Variants in DTNA observed in about 807,000 individuals in gnomAD.
DTNA encodes the protein dystrobrevin alpha.
Under a neutral mutation model 100.7 loss-of-function variants are expected in DTNA, and 43 were observed. That is an observed-to-expected ratio of 0.43 (90% CI 0.33 to 0.55). The LOEUF (loss-of-function observed/expected upper bound fraction) is 0.55. Among genes scored for constraint, DTNA ranks in the 20% least tolerant of loss-of-function variants. The probability of loss-of-function intolerance (pLI) is 0.04; values close to 1 mark genes in which losing one functional copy is unlikely to be tolerated. For synonymous variants in DTNA, 349 were observed against 347.9 expected, an observed-to-expected ratio of 1.00 and a Z score of -0.04; for missense variants, 798 against 953.9, an observed-to-expected ratio of 0.84 and a Z score of 2.15.
At chr18:34,834,417 C>G (rs548091120) in intron 11 of DTNA, among the ~76,000 whole-genome samples, 2 of 151,750 alleles carry the variant, frequency 1.3e-5, no homozygotes, top group Non-Finnish European at 2.9e-5. Context: ...ACAGAAGAAT[C>G]GCTTGAACCC....
intron 1 of DTNA, among the ~76,000 whole-genome samples, chr18:34,690,286 A>G (rs2079559059): frequency 6.6e-6 from 1 of 152,164 alleles, no homozygotes; most frequent in Admixed American, 6.5e-5. Flanking sequence ...CAGGCACTCA[A>G]GAGCATCTCC....
At chr18:34,503,545 A>G (rs540388070) in intron 1 of DTNA, among the ~76,000 whole-genome samples, 1 of 151,792 alleles carries the variant, frequency 6.6e-6, no homozygotes, top group Non-Finnish European at 1.5e-5. Context: ...CAGCCTCCCA[A>G]AGCGCTGGGA....
chr18:34,655,155 G>A (rs1006206199), intron 1 of DTNA, among the ~76,000 whole-genome samples: 7 of 152,044 alleles, frequency 4.6e-5, no homozygotes, highest in African/African-American at 1.7e-4. Context: ...GTAAACCCCC[G>A]TTTAAGTAGA....
chr18:34,798,375 A>G (rs914473492), intron 4 of DTNA, among the ~76,000 whole-genome samples: 11 of 152,140 alleles, frequency 7.2e-5, no homozygotes, highest in African/African-American at 2.2e-4. Flanking sequence ...AGCGGGTCCC[A>G]GTCACCTAGA....
At chr18:34,681,414 A>C (rs943134567) in intron 1 of DTNA, among the ~76,000 whole-genome samples, 28 of 152,076 alleles carry the variant, frequency 1.8e-4, no homozygotes, top group Admixed American at 2.0e-4. Context: ...GTATATCTCA[A>C]TGAATTTTCA....
intron 12 of DTNA, 82 bp from the exon 13 acceptor site, chr18:34,838,663 C>A: frequency 8.0e-7 from 1 of 1,249,050 alleles, no homozygotes; most frequent in South Asian, 1.2e-5. Flanking sequence ...CCTTTTCTAC[C>A]AAAAACTCAC....
chr18:34,562,824 A>G (rs2046755337), intron 1 of DTNA, among the ~76,000 whole-genome samples: 1 of 152,218 alleles, frequency 6.6e-6, no homozygotes, highest in Admixed American at 6.5e-5. Context: ...TATCATGACA[A>G]TCACGTTAAT....
At chr18:34,565,013 A>G (rs1242211838) in intron 1 of DTNA, among the ~76,000 whole-genome samples, 1 of 152,230 alleles carries the variant, frequency 6.6e-6, no homozygotes, top group Non-Finnish European at 1.5e-5. Flanking sequence ...ACCTTATAGT[A>G]ATAGTTCTGA....
chr18:34,782,084 G>C (rs1401964855), intron 3 of DTNA, among the ~76,000 whole-genome samples: 1 of 152,214 alleles, frequency 6.6e-6, no homozygotes, highest in Non-Finnish European at 1.5e-5. Flanking sequence ...AGCTTTCTTA[G>C]AACACTGAGG....
intron 22 of DTNA, among the ~76,000 whole-genome samples, chr18:34,886,100 G>T (rs1233194705): frequency 6.6e-6 from 1 of 152,190 alleles, no homozygotes; most frequent in Non-Finnish European, 1.5e-5. Context: ...GACAGTAAAT[G>T]CTATCAATGT....
chr18:34,569,125 T>G (rs2047345151), intron 1 of DTNA, among the ~76,000 whole-genome samples: 1 of 152,146 alleles, frequency 6.6e-6, no homozygotes, highest in Non-Finnish European at 1.5e-5. Flanking sequence ...GGATCTGAGC[T>G]CATTGGATTC....
chr18:34,609,245 C>CTTTTTTT (rs71166019), intron 1 of DTNA, among the ~76,000 whole-genome samples: 5 of 131,336 alleles, frequency 3.8e-5, no homozygotes, highest in Admixed American at 7.7e-5. Flanking sequence ...TGCTTTAATT[C>CTTTTTTT]TTTTTTTTTT....
At chr18:34,680,158 A>C (rs532497138) in intron 1 of DTNA, among the ~76,000 whole-genome samples, 1 of 152,224 alleles carries the variant, frequency 6.6e-6, no homozygotes, top group South Asian at 2.1e-4. Context: ...TAAATTTTTA[A>C]AGTGCTATGT....
intron 3 of DTNA, among the ~76,000 whole-genome samples, chr18:34,777,049 A>T (rs2094094276): frequency 6.6e-6 from 1 of 152,178 alleles, no homozygotes. Context: ...TGGCAACCCC[A>T]TTTAACACTC....
rs2096953004 is a variant in DTNA at position 34,889,640 on chromosome 18, G to A, written c.*1906G>A. On this transcript the variant is annotated 3_prime_UTR_variant, in exon 23 of 23. Coordinates refer to ENST00000444659, the MANE Select transcript of DTNA (RefSeq NM_001386795.1). ...ATGTTCACATGTCTGCGTTTGGTCA[G>A]ACATCATCTCCTTGGCTGCCCTTTG... The A allele has an allele frequency of 2.0e-6, 2 of 985,538 alleles. No individual in the cohort carries two copies. Among genetic ancestry groups the A allele is most frequent in the Admixed American group, 1.2e-4 (2 of 16,266 alleles). The allele number at this position is 985,538 out of a possible 1,614,324, so 61.0% of individuals were successfully genotyped here.
intron 1 of DTNA, among the ~76,000 whole-genome samples, chr18:34,630,651 G>A (rs1251535544): frequency 6.6e-6 from 1 of 152,066 alleles, no homozygotes; most frequent in Non-Finnish European, 1.5e-5. Flanking sequence ...AGATAAAATC[G>A]GGAAGATGTA....
At chr18:34,555,460 G>T (rs749225598) in intron 1 of DTNA, among the ~76,000 whole-genome samples, 1,923 of 151,924 alleles carry the variant, frequency 0.013, 21 homozygotes, top group Middle Eastern at 0.034. Context: ...TCTTTTAATT[G>T]TGATGTTAGG....
intron 1 of DTNA, among the ~76,000 whole-genome samples, chr18:34,533,144 G>A (rs902843745): frequency 6.6e-6 from 1 of 151,980 alleles, no homozygotes; most frequent in African/African-American, 2.4e-5. Context: ...GCTGAGGCGG[G>A]TGGATCACCT....
At chr18:34,508,162 C>A (rs1286636522) in intron 1 of DTNA, among the ~76,000 whole-genome samples, 1 of 152,066 alleles carries the variant, frequency 6.6e-6, no homozygotes, top group African/African-American at 2.4e-5. Context: ...CTCATAGTTG[C>A]CAAGTCATAC....
Sources: allele counts gnomAD v4.1 joint callset (sites outside exome capture counted in the v4.1 genomes callset), GRCh38; gene constraint gnomAD v4.1.1; transcripts MANE v1.5; gene names NCBI Gene and HGNC (gene_info 2026-07-23, HGNC 2026-07-21).